Variants in GMDS observed in about 807,000 individuals in gnomAD.
The protein encoded by GMDS is GDP-mannose 4,6-dehydratase, also known as GDP-mannose 4,6 dehydratase.
GMDS carries 20 observed loss-of-function variants against 49.9 expected under a neutral mutation model. The observed-to-expected ratio is 0.40, with a 90% confidence interval of 0.28 to 0.58. The LOEUF (loss-of-function observed/expected upper bound fraction) is 0.58, where lower values mean the gene tolerates loss of function less well. Among genes scored for constraint, GMDS ranks in the 20% least tolerant of loss-of-function variants. GMDS has a pLI of 0.42. For missense variants in GMDS, 362 were observed against 481.4 expected (o/e 0.75, Z 2.32); for synonymous variants, 177 against 178.6 (o/e 0.99, Z 0.07).
chr6:2,196,924 A>G (rs1779295777), intron 1 of GMDS, among the ~76,000 whole-genome samples: 2 of 152,162 alleles, frequency 1.3e-5, no homozygotes, highest in African/African-American at 4.8e-5. Flanking sequence ...TGACAATTCT[A>G]ATGATAATGG....
chr6:2,208,376 A>T (rs1436749129), intron 1 of GMDS, among the ~76,000 whole-genome samples: 2 of 152,224 alleles, frequency 1.3e-5, no homozygotes, highest in Non-Finnish European at 2.9e-5. Flanking sequence ...TTTACAGATG[A>T]CACAATTGTC....
intron 7 of GMDS, among the ~76,000 whole-genome samples, chr6:1,815,025 C>T (rs548608327): frequency 1.8e-4 from 28 of 152,270 alleles, no homozygotes; most frequent in African/African-American, 6.7e-4. Context: ...AATTCTAAGA[C>T]AAAACACATA....
Position 1,624,081 on chromosome 6 carries a change from C to A in GMDS, c.*88G>T. 3 of 1,224,746 alleles carry A rather than the reference C, an allele frequency of 2.4e-6. No individual in the cohort carries two copies. Among genetic ancestry groups the A allele is most frequent in the Non-Finnish European group, 3.5e-6 (3 of 855,500 alleles). 75.9% of individuals were successfully genotyped at this position (1,224,746 alleles called of 1,614,324 possible). ...GGGCCGCAGGGGACCCGCAGATTGG[C>A]ACGCCGCTCCCCATCCCCGCAGCGC... On this transcript the variant is annotated 3_prime_UTR_variant, in exon 11 of 11. Transcript: ENST00000380815.
Position 1,778,015 on chromosome 6 carries a change from A to T in GMDS, c.772-35429T>A, listed in dbSNP as rs1188748656. Among the ~76,000 whole-genome samples, 1 of 152,222 alleles carries T rather than the reference A, an allele frequency of 6.6e-6. No homozygotes were observed. Among genetic ancestry groups the T allele is most frequent in the Non-Finnish European group, 1.5e-5 (1 of 68,044 alleles). On this transcript the variant is annotated intron_variant, in intron 7 of 10. Coordinates refer to ENST00000380815, the MANE Select transcript of GMDS (RefSeq NM_001500.4). This position sits in a 1 kb window ranked among gnomAD's most constrained non-coding sequence, Gnocchi z 4.6. ...ATGGAAGAGCTGAATGGAAATTTCAATAAAGAGGGCCACAAAGAAGCATTT... is the reference window on the plus strand; with the variant it reads ...ATGGAAGAGCTGAATGGAAATTTCATTAAAGAGGGCCACAAAGAAGCATTT...
intron 1 of GMDS, among the ~76,000 whole-genome samples, chr6:2,133,244 AT>A (rs1049148714): frequency 3.9e-5 from 6 of 152,114 alleles, no homozygotes; most frequent in African/African-American, 1.4e-4. Flanking sequence ...GAATTATGAA[AT>A]TTTAGTATTT....
At chr6:1,990,089 G>A (rs1199869935) in intron 4 of GMDS, among the ~76,000 whole-genome samples, 1 of 152,210 alleles carries the variant, frequency 6.6e-6, no homozygotes, top group East Asian at 1.9e-4. Flanking sequence ...GAGGTCAGGA[G>A]ATCGAGACCA....
At chr6:1,861,038 A>G (rs1359362194) in intron 7 of GMDS, among the ~76,000 whole-genome samples, 1 of 152,200 alleles carries the variant, frequency 6.6e-6, no homozygotes, top group Non-Finnish European at 1.5e-5. Flanking sequence ...TCAAGAACAG[A>G]GTTACCGAAA....
At chr6:1,743,707 G>A (rs1561774712) in intron 7 of GMDS, among the ~76,000 whole-genome samples, 1 of 151,450 alleles carries the variant, frequency 6.6e-6, no homozygotes, top group South Asian at 2.1e-4. Context: ...TAGGCCTGGA[G>A]TTCCTGTATC....
At chr6:2,120,486 T>A (rs1015831625) in intron 2 of GMDS, among the ~76,000 whole-genome samples, 1 of 152,172 alleles carries the variant, frequency 6.6e-6, no homozygotes. Context: ...TAACCTTATA[T>A]CCATTTCTTT....
rs562073743 is a variant in GMDS, at chr6:2,063,384, T to C, written c.345+52387A>G. On this transcript the variant is annotated intron_variant, in intron 4 of 10. Transcript: ENST00000380815. The stretch of plus-strand genomic sequence containing the variant: ...TGTATTTTTTCAATTTGTAAGTAAA[T>C]ACATGTCAAGACATTCTGTGTGTGT... 3.9e-5 allele frequency among the ~76,000 whole-genome samples: 6 copies of C among 152,272 alleles called. No individual in the cohort carries two copies. The East Asian group carries it at 9.6e-4, about 24-fold the overall frequency.
intron 7 of GMDS, among the ~76,000 whole-genome samples, chr6:1,923,660 C>T (rs565373770): frequency 2.6e-5 from 4 of 152,336 alleles, no homozygotes; most frequent in South Asian, 2.1e-4. Context: ...CTCCTACAAG[C>T]GGTTGAGCAT....
intron 4 of GMDS, among the ~76,000 whole-genome samples, chr6:2,017,563 T>C (rs977920126): frequency 2.6e-5 from 4 of 152,044 alleles, no homozygotes; most frequent in African/African-American, 4.8e-5. Flanking sequence ...CCTGCTTCAG[T>C]CTCCCAAAGT....
At chr6:1,633,759 C>A (rs1326843035) in intron 9 of GMDS, among the ~76,000 whole-genome samples, 1 of 152,090 alleles carries the variant, frequency 6.6e-6, no homozygotes, top group Non-Finnish European at 1.5e-5. Context: ...CCCATGACCA[C>A]GAGGCTGGGA....
chr6:1,817,825 G>T (rs1770733035), intron 7 of GMDS, among the ~76,000 whole-genome samples: 1 of 152,128 alleles, frequency 6.6e-6, no homozygotes, highest in African/African-American at 2.4e-5. Flanking sequence ...TAAAAGCCTG[G>T]TTAACAGCAG....
intron 9 of GMDS, among the ~76,000 whole-genome samples, chr6:1,669,489 T>A (rs567444854): frequency 6.6e-6 from 1 of 152,210 alleles, no homozygotes; most frequent in Non-Finnish European, 1.5e-5. Flanking sequence ...CACCTTCCTA[T>A]GTCATGTAAA....
intron 1 of GMDS, among the ~76,000 whole-genome samples, chr6:2,184,994 C>T (rs891570130): frequency 3.3e-5 from 5 of 152,116 alleles, no homozygotes; most frequent in Admixed American, 6.5e-5. Context: ...GGAATTGAAG[C>T]GATCAACAAA....
chr6:1,739,346 T>C (rs954137132), intron 8 of GMDS, among the ~76,000 whole-genome samples: 1 of 152,102 alleles, frequency 6.6e-6, no homozygotes, highest in Non-Finnish European at 1.5e-5. Flanking sequence ...ACAGTAGGGG[T>C]GCGGCTCCTG....
chr6:2,188,926 T>C (rs1778895966), intron 1 of GMDS, among the ~76,000 whole-genome samples: 1 of 152,196 alleles, frequency 6.6e-6, no homozygotes, highest in African/African-American at 2.4e-5. Flanking sequence ...CAGCCCACTA[T>C]GGCCAAAGCT....
intron 9 of GMDS, among the ~76,000 whole-genome samples, chr6:1,671,184 TTCTC>T (rs1764408966): frequency 6.6e-6 from 1 of 152,160 alleles, no homozygotes; most frequent in South Asian, 2.1e-4. Context: ...GAGCTTAGCT[TTCTC>T]GGCAACCTGT....
Sources: gnomAD v4.1 joint callset for allele counts (sites outside exome capture counted in the v4.1 genomes callset) on GRCh38, gnomAD v4.1.1 for gene constraint, Gnocchi (gnomAD v3.1) non-coding constraint, MANE v1.5 for transcripts, NCBI Gene and HGNC (gene_info 2026-07-23, HGNC 2026-07-21) for gene names.